Variants in AFG2A observed in about 807,000 individuals in gnomAD.
AFG2A encodes the protein ATPase family gene 2 protein homolog A.
chr4:122,985,517 G>A, the AFG2A span, among the ~76,000 whole-genome samples: 11 of 152,214 alleles, frequency 7.2e-5, no homozygotes, highest in African/African-American at 2.6e-4. Flanking sequence ...TAGGAGGGTT[G>A]TATTTTTCCA....
the AFG2A span, among the ~76,000 whole-genome samples, chr4:123,147,151 A>G: frequency 6.6e-6 from 1 of 152,184 alleles, no homozygotes; most frequent in African/African-American, 2.4e-5. Context: ...CTAATTTCTT[A>G]AATTTAATGA....
At chr4:123,226,002 GT>G in the AFG2A span, among the ~76,000 whole-genome samples, 1 of 152,042 alleles carries the variant, frequency 6.6e-6, no homozygotes, top group African/African-American at 2.4e-5. Context: ...TCATGATTTG[GT>G]TCTCTGTTTG....
At chr4:123,183,603 T>C in the AFG2A span, among the ~76,000 whole-genome samples, 3 of 152,220 alleles carry the variant, frequency 2.0e-5, no homozygotes, top group East Asian at 5.8e-4. Context: ...ATTATGTACA[T>C]GTTGCACATA....
chr4:123,178,996 G>T, the AFG2A span, among the ~76,000 whole-genome samples: 2 of 152,094 alleles, frequency 1.3e-5, no homozygotes, highest in African/African-American at 2.4e-5. Context: ...TAGAGCTAAT[G>T]GACAGTGTCA....
At chr4:123,231,249 C>G in the AFG2A span, among the ~76,000 whole-genome samples, 1 of 151,992 alleles carries the variant, frequency 6.6e-6, no homozygotes, top group Non-Finnish European at 1.5e-5. Flanking sequence ...TGGCCACCTT[C>G]CTCAATTACC....
At chr4:123,147,205 A>AT in the AFG2A span, among the ~76,000 whole-genome samples, 1 of 152,170 alleles carries the variant, frequency 6.6e-6, no homozygotes, top group Non-Finnish European at 1.5e-5. Flanking sequence ...TGTGCATGGT[A>AT]TACATAGGAA....
the AFG2A span, among the ~76,000 whole-genome samples, chr4:123,127,865 G>A: frequency 2.0e-5 from 3 of 152,080 alleles, no homozygotes; most frequent in African/African-American, 7.2e-5. Flanking sequence ...TTCTTTGGCT[G>A]GCTGCAAACA....
At chr4:123,087,907 C>T in the AFG2A span, among the ~76,000 whole-genome samples, 1 of 152,180 alleles carries the variant, frequency 6.6e-6, no homozygotes, top group African/African-American at 2.4e-5. Context: ...CTTCCGAGCT[C>T]TTAACGTTCT....
At chr4:123,273,172 G>A in the AFG2A span, among the ~76,000 whole-genome samples, 1 of 152,108 alleles carries the variant, frequency 6.6e-6, no homozygotes, top group Admixed American at 6.6e-5. Context: ...CAACTTAAAA[G>A]TCTGTTCCAC....
At chr4:123,021,267 T>C in the AFG2A span, among the ~76,000 whole-genome samples, 2 of 152,034 alleles carry the variant, frequency 1.3e-5, no homozygotes, top group African/African-American at 4.8e-5. Flanking sequence ...GCTTTTTTTT[T>C]TTCTTTTTTT....
the AFG2A span, among the ~76,000 whole-genome samples, chr4:123,147,010 T>G: frequency 2.8e-4 from 43 of 152,334 alleles, no homozygotes; most frequent in Admixed American, 1.4e-3. Flanking sequence ...TTCCTTCCTT[T>G]ATACTGGAAA....
the AFG2A span, among the ~76,000 whole-genome samples, chr4:122,962,033 A>G: frequency 6.6e-6 from 1 of 152,336 alleles, no homozygotes; most frequent in African/African-American, 2.4e-5. Flanking sequence ...AAACTGTTCC[A>G]CCTCAGATCA....
the AFG2A span, among the ~76,000 whole-genome samples, chr4:123,208,317 C>T: frequency 6.6e-6 from 1 of 151,790 alleles, no homozygotes; most frequent in African/African-American, 2.4e-5. Flanking sequence ...CTAAATATAA[C>T]AGTTGCCATA....
the AFG2A span, among the ~76,000 whole-genome samples, chr4:123,195,389 T>C: frequency 6.6e-6 from 1 of 152,170 alleles, no homozygotes; most frequent in Non-Finnish European, 1.5e-5. Context: ...AAATTTTGGG[T>C]TTTTTTCTAA....
chr4:123,166,855 T>C, the AFG2A span, among the ~76,000 whole-genome samples: 2,309 of 152,312 alleles, frequency 0.015, 56 homozygotes, highest in African/African-American at 0.053. Flanking sequence ...TCATTAATCT[T>C]GGATTATAAC....
At chr4:123,269,092 A>C in the AFG2A span, among the ~76,000 whole-genome samples, 5 of 152,214 alleles carry the variant, frequency 3.3e-5, no homozygotes, top group Non-Finnish European at 7.3e-5. Flanking sequence ...CTGTTTCTCC[A>C]TGAAAGCTTT....
At chr4:122,923,283 G>A in the AFG2A span, 1 of 1,614,012 alleles carries the variant, frequency 6.2e-7, no homozygotes, top group Non-Finnish European at 8.5e-7. Flanking sequence ...GGACTCTGAC[G>A]GTGACCAACT....
chr4:123,157,744 T>C, the AFG2A span, among the ~76,000 whole-genome samples: 1 of 152,200 alleles, frequency 6.6e-6, no homozygotes, highest in Non-Finnish European at 1.5e-5. Flanking sequence ...TCACAAAATG[T>C]GTGGTATTTC....
chr4:122,979,306 A>T, the AFG2A span: 1 of 1,614,196 alleles, frequency 6.2e-7, no homozygotes, highest in African/African-American at 1.3e-5. Flanking sequence ...ACTGGTGAAG[A>T]TTACTCTGAA....
Sources: gnomAD v4.1 joint callset for allele counts (sites outside exome capture counted in the v4.1 genomes callset) on GRCh38, gnomAD v4.1.1 for gene constraint, MANE v1.5 for transcripts, NCBI Gene and HGNC (gene_info 2026-07-23, HGNC 2026-07-21) for gene names.